DPP10: variants seen among roughly 807,000 people sequenced by gnomAD.
DPP10 encodes the protein inactive dipeptidyl peptidase 10.
DPP10 carries 33 observed loss-of-function variants against 120.9 expected under a neutral mutation model. That is an observed-to-expected ratio of 0.27 (90% confidence interval 0.21 to 0.37). DPP10 has a LOEUF of 0.37. Among genes scored for constraint, DPP10 ranks in the 10% least tolerant of loss-of-function variants. DPP10 has a pLI of 1.00. For missense variants in DPP10, 816 were observed against 942.8 expected (o/e 0.87, Z 1.76); for synonymous variants, 337 against 326.1 (o/e 1.03, Z -0.36).
chr2:115,770,988 AT>A (rs772506836), intron 13 of DPP10, among the ~76,000 whole-genome samples: 3 of 152,082 alleles, frequency 2.0e-5, no homozygotes, highest in Non-Finnish European at 4.4e-5. Context: ...AATATTTAAC[AT>A]TTTATATTTT....
intron 1 of DPP10, among the ~76,000 whole-genome samples, chr2:114,847,246 C>A (rs1290793895): frequency 1.3e-5 from 2 of 152,086 alleles, no homozygotes; most frequent in Non-Finnish European, 2.9e-5. Context: ...GGCTCCTTCA[C>A]AATTTCACAC....
chr2:115,667,206 T>G (rs895070504), intron 5 of DPP10, among the ~76,000 whole-genome samples: 1 of 152,172 alleles, frequency 6.6e-6, no homozygotes, highest in Non-Finnish European at 1.5e-5. Context: ...GGTTATTTGT[T>G]TTTACTTGTT....
At chr2:115,596,978 G>C (rs964869236) in intron 5 of DPP10, among the ~76,000 whole-genome samples, 1 of 152,172 alleles carries the variant, frequency 6.6e-6, no homozygotes, top group African/African-American at 2.4e-5. Context: ...TAGCTTCAGA[G>C]TGGAGCCCCT....
intron 11 of DPP10, 87 bp from the exon 12 acceptor site, chr2:115,762,485 A>AT (rs903648988): frequency 1.3e-5 from 18 of 1,404,962 alleles, no homozygotes; most frequent in Non-Finnish European, 1.6e-5. Flanking sequence ...GGGAAAAAAA[A>AT]CTGATAACCG....
Position 115,183,664 on chromosome 2 carries a change from C to T in DPP10, c.61-125575C>T, listed in dbSNP as rs542225740. ...TTATAATATCTTCCAGTCTGTGGAT[C>T]GTTTTAAAGGTATGCTAGGCTAGCA... On this transcript the variant is annotated intron_variant, in intron 1 of 25. Transcript: ENST00000410059. Among the ~76,000 whole-genome samples, 17 of 152,146 alleles carry T rather than the reference C, an allele frequency of 1.1e-4. No individual in the cohort carries two copies. The South Asian group carries it at 2.1e-3, about 19-fold the overall frequency.
intron 5 of DPP10, among the ~76,000 whole-genome samples, chr2:115,683,042 G>A (rs1156246689): frequency 6.6e-6 from 1 of 151,818 alleles, no homozygotes; most frequent in Non-Finnish European, 1.5e-5. Flanking sequence ...GTGACGGTCA[G>A]TTTTGTTTTG....
At chr2:115,057,404 A>G (rs1261840117) in intron 1 of DPP10, among the ~76,000 whole-genome samples, 1 of 152,192 alleles carries the variant, frequency 6.6e-6, no homozygotes, top group Non-Finnish European at 1.5e-5. Flanking sequence ...TTGACTAAAG[A>G]TTTGTGTTTC....
intron 1 of DPP10, among the ~76,000 whole-genome samples, chr2:114,615,860 T>G (rs981064031): frequency 6.6e-6 from 1 of 152,232 alleles, no homozygotes; most frequent in East Asian, 1.9e-4. Context: ...GTTCTAACAA[T>G]TGTGCTGAGT....
intron 8 of DPP10, among the ~76,000 whole-genome samples, chr2:115,737,324 A>G (rs532442541): frequency 6.6e-6 from 1 of 152,062 alleles, no homozygotes; most frequent in Non-Finnish European, 1.5e-5. Flanking sequence ...GTTCAGTTCT[A>G]TGGTCAGTGG....
At chr2:114,947,271 G>C (rs1697434830) in intron 1 of DPP10, among the ~76,000 whole-genome samples, 1 of 151,662 alleles carries the variant, frequency 6.6e-6, no homozygotes, top group Non-Finnish European at 1.5e-5. Flanking sequence ...AAAATATAAT[G>C]TCCACTTTGA....
At chr2:114,602,736 C>T (rs1401906843) in intron 1 of DPP10, among the ~76,000 whole-genome samples, 2 of 151,934 alleles carry the variant, frequency 1.3e-5, no homozygotes, top group African/African-American at 2.4e-5. Flanking sequence ...GAGTGGTGTA[C>T]GTGAGAATAA....
intron 1 of DPP10, among the ~76,000 whole-genome samples, chr2:114,502,703 C>T (rs1466916160): frequency 6.6e-6 from 1 of 152,074 alleles, no homozygotes; most frequent in South Asian, 2.1e-4. Context: ...CACATTCTAC[C>T]ATGTGGTAGT....
chr2:114,681,684 A>G (rs1396432806), intron 1 of DPP10, among the ~76,000 whole-genome samples: 2 of 151,992 alleles, frequency 1.3e-5, no homozygotes, highest in Admixed American at 1.3e-4. Flanking sequence ...GAAAGAATAC[A>G]TTTTACAAAG....
chr2:114,876,676 T>A (rs1691190102), intron 1 of DPP10, among the ~76,000 whole-genome samples: 1 of 152,114 alleles, frequency 6.6e-6, no homozygotes, highest in African/African-American at 2.4e-5. Context: ...TTGCTCAATG[T>A]CCTCATGTAA....
At chr2:114,636,408 G>A (rs1028709647) in intron 1 of DPP10, among the ~76,000 whole-genome samples, 2 of 151,940 alleles carry the variant, frequency 1.3e-5, no homozygotes, top group Admixed American at 6.5e-5. Context: ...TTGATTGCTG[G>A]AAGAGTTCAG....
chr2:115,128,437 A>T (rs1203218994), intron 1 of DPP10, among the ~76,000 whole-genome samples: 2 of 152,208 alleles, frequency 1.3e-5, no homozygotes, highest in African/African-American at 4.8e-5. Flanking sequence ...ACTGTAGCGA[A>T]CAGCTCAATC....
At chr2:115,100,387 T>C (rs567025180) in intron 1 of DPP10, among the ~76,000 whole-genome samples, 1 of 152,202 alleles carries the variant, frequency 6.6e-6, no homozygotes, top group Admixed American at 6.5e-5. Context: ...AGTTTGAGGC[T>C]GCAGTGAGTT....
chr2:115,330,320 G>C (rs1303604884), intron 2 of DPP10, among the ~76,000 whole-genome samples: 1 of 152,038 alleles, frequency 6.6e-6, no homozygotes, highest in Non-Finnish European at 1.5e-5. Context: ...GTTCATTGTA[G>C]ATTCTGGATA....
At chr2:115,652,996 C>G (rs1358643871) in intron 5 of DPP10, among the ~76,000 whole-genome samples, 1 of 151,846 alleles carries the variant, frequency 6.6e-6, no homozygotes, top group Non-Finnish European at 1.5e-5. Context: ...AATGAATTCT[C>G]AAAATAAATG....
Sources: allele counts gnomAD v4.1 joint callset (sites outside exome capture counted in the v4.1 genomes callset), GRCh38; gene constraint gnomAD v4.1.1; transcripts MANE v1.5; gene names NCBI Gene and HGNC (gene_info 2026-07-23, HGNC 2026-07-21).